Variants in MRPL18 observed in about 807,000 individuals in gnomAD.
MRPL18 encodes mitochondrial ribosomal protein L18.
A neutral mutation model predicts 20.9 loss-of-function variants in MRPL18; 16 were observed. The observed-to-expected ratio is 0.76, with a 90% CI of 0.52 to 1.16. The LOEUF is 1.16. Among genes scored for constraint, MRPL18 ranks in the 50% most tolerant of loss-of-function variants. The pLI is 0.00. For synonymous variants in MRPL18, 91 were observed against 87.1 expected, an observed-to-expected ratio of 1.04 and a Z score of -0.25; for missense variants, 233 against 230.6, an observed-to-expected ratio of 1.01 and a Z score of -0.07.
At chr6:159,795,975 G>C (rs1041776296) in intron 2 of MRPL18, among the ~76,000 whole-genome samples, 1 of 152,014 alleles carries the variant, frequency 6.6e-6, no homozygotes, top group African/African-American at 2.4e-5. Context: ...TGTAGAGACA[G>C]AGTGTCACTG....
chr6:159,792,721 T>C (rs1405284482), intron 2 of MRPL18, among the ~76,000 whole-genome samples: 1 of 152,194 alleles, frequency 6.6e-6, no homozygotes, highest in Non-Finnish European at 1.5e-5. Context: ...ACTGCATCCT[T>C]GACTTCCCTG....
intron 3 of MRPL18, among the ~76,000 whole-genome samples, chr6:159,797,730 T>G (rs1272233854): frequency 1.3e-5 from 2 of 152,228 alleles, no homozygotes; most frequent in Non-Finnish European, 2.9e-5. Flanking sequence ...AAACTGAGGC[T>G]TACTTGCCCA....
upstream of MRPL18, chr6:159,789,816 G>A: frequency 2.7e-6 from 1 of 376,832 alleles, no homozygotes; most frequent in Non-Finnish European, 5.1e-6. Flanking sequence ...TGGACCGCTG[G>A]GAAGAGGTTG....
At chr6:159,796,626 A>G (rs1361056011) in intron 2 of MRPL18, among the ~76,000 whole-genome samples, 2 of 152,048 alleles carry the variant, frequency 1.3e-5, no homozygotes, top group Middle Eastern at 3.2e-3. Flanking sequence ...TGTCTCTACA[A>G]AATAAAAATT....
At chr6:159,797,933 G>C in intron 3 of MRPL18, 119 bp from the exon 4 acceptor site, 2 of 800,306 alleles carry the variant, frequency 2.5e-6, no homozygotes, top group South Asian at 3.6e-5. Context: ...ACCGTTGTAG[G>C]CTGGGAAGTT....
At chr6:159,791,852 C>T (rs1038131294) in intron 2 of MRPL18, among the ~76,000 whole-genome samples, 2 of 151,912 alleles carry the variant, frequency 1.3e-5, no homozygotes, top group Admixed American at 1.3e-4. Flanking sequence ...TTGCAGTGAG[C>T]TGAGCGCCTG....
chr6:159,797,619 C>T lies in MRPL18; in HGVS notation c.471+101C>T, dbSNP rs796166696. On this transcript the variant is annotated intron_variant, in intron 3 of 3. Transcript: ENST00000367034. The stretch of plus-strand genomic sequence containing the variant: ...CAGTTTTTACTTACCAAATACTTTC[C>T]ATGTGTCAGACCCTTTGGTGAGTAC... 1.3e-5 allele frequency: 14 copies of T among 1,090,274 alleles called. No individual in the cohort carries two copies. The African/African-American group carries it at 2.2e-4, about 17-fold the overall frequency. The allele number at this position is 1,090,274 out of a possible 1,614,324, so 67.5% of individuals were successfully genotyped here. A position where few individuals can be genotyped will look rare whatever the true frequency, so the allele number is the denominator to read the frequency against.
At chr6:159,790,801 C>G (rs527624130) in intron 1 of MRPL18, 139 bp from the exon 2 acceptor site, 3 of 1,371,504 alleles carry the variant, frequency 2.2e-6, no homozygotes, top group African/African-American at 1.4e-5. Context: ...AGTGCTGACT[C>G]CACCCTGTGG....
chr6:159,797,551 T>C, intron 3 of MRPL18, 33 bp downstream of exon 3: 1 of 1,586,706 alleles, frequency 6.3e-7, no homozygotes, highest in South Asian at 1.1e-5. Context: ...ATTGAAAAGG[T>C]ATTGTGTTAA....
At chr6:159,790,150 C>G (rs1043931490), upstream of MRPL18, 5 of 217,250 alleles carry the variant, frequency 2.3e-5, no homozygotes, top group Non-Finnish European at 3.8e-5. Context: ...AGACAACCAC[C>G]CTTTTTAAGG....
In MRPL18 at chr6:159,797,449, G is replaced by A. The variant is rs762860790; in HGVS notation, c.402G>A (p.Gln134=). 10 of 1,614,230 alleles carry A rather than the reference G, an allele frequency of 6.2e-6. No individual in the cohort carries two copies. The East Asian group carries it at 1.1e-4, about 18-fold the overall frequency. The change falls in exon 3 of 4, where the codon CAG becomes CAA. Residue 134 remains glutamine, a synonymous_variant. Transcript: ENST00000367034. ...ACESIGRVLA[Q]RCLEAGINFM... ...AGAGTATAGGACGAGTGCTGGCACA[G>A]AGATGCTTAGAGGCGGGAATCAACT...
chr6:159,790,508 C>G lies in MRPL18; in HGVS notation c.-80C>G. ...ACAGCAGCCAAAGGCTTGTCCCTGACTTTATATGGCTGCTCCTGGCGAGCG... is the reference window on the plus strand; with the variant it reads ...ACAGCAGCCAAAGGCTTGTCCCTGAGTTTATATGGCTGCTCCTGGCGAGCG... On this transcript the variant is annotated 5_prime_UTR_variant, in exon 1 of 4. Coordinates refer to ENST00000367034, the MANE Select transcript of MRPL18 (RefSeq NM_014161.5). The G allele has an allele frequency of 1.9e-6, 3 of 1,598,354 alleles. No homozygotes were observed. Among genetic ancestry groups the G allele is most frequent in the East Asian group, 2.2e-5 (1 of 44,816 alleles).
In MRPL18 at chr6:159,796,479, C is replaced by CAA. The variant is rs1017181744; in HGVS notation, c.240-794_240-793dup. Among the ~76,000 whole-genome samples, 25 of 120,194 alleles carry CAA rather than the reference C, an allele frequency of 2.1e-4. 1 individual carries two copies. Among genetic ancestry groups the CAA allele is most frequent in the East Asian group, 7.2e-4 (3 of 4,140 alleles). The allele number at this position is 120,194 out of a possible 152,430, so 78.9% of individuals were successfully genotyped here. ...TGAGAGACAGAGGCAGACCCTGTCT[C>CAA]AAAAAAAAAAAAAAATGGCCATATG... On this transcript the variant is annotated intron_variant, in intron 2 of 3. Coordinates refer to ENST00000367034, the MANE Select transcript of MRPL18 (RefSeq NM_014161.5).
Position 159,795,380 on chromosome 6 carries a change from T to C in MRPL18, c.240-1907T>C, listed in dbSNP as rs551782542. Among the ~76,000 whole-genome samples the C allele has an allele frequency of 9.8e-5, 15 of 152,368 alleles. No individual in the cohort carries two copies. The South Asian group carries it at 2.9e-3, about 29-fold the overall frequency. On this transcript the variant is annotated intron_variant, in intron 2 of 3. Coordinates refer to ENST00000367034, the MANE Select transcript of MRPL18 (RefSeq NM_014161.5). Reference sequence around the variant, plus strand: ...AACCTTGGACAATACCTGGCTTTCCTAGGCAGAGGTCCCTGCGGCCTTCCG... The same window carrying C: ...AACCTTGGACAATACCTGGCTTTCCCAGGCAGAGGTCCCTGCGGCCTTCCG...
At chr6:159,794,615 A>G (rs1780986106) in intron 2 of MRPL18, among the ~76,000 whole-genome samples, 1 of 152,182 alleles carries the variant, frequency 6.6e-6, no homozygotes, top group Non-Finnish European at 1.5e-5. Context: ...ACAGTGTTGC[A>G]TCGAATTGTC....
rs1173257345 is a variant in MRPL18, at chr6:159,798,069, T to G, written c.489T>G (p.Ser163Arg). Reference protein sequence around the residue: ...AASDSMKRLQSAMTEGGVVLR... With the variant: ...AASDSMKRLQRAMTEGGVVLR... ...AAAACCAGATGAAACGACTACAAAG[T>G]GCCATGACAGAAGGTGGTGTGGTTC... is the stretch of plus-strand genomic sequence containing the variant. The change falls in exon 4 of 4, where the codon AGT becomes AGG. Residue 163 changes from serine (S) to arginine (R), a missense_variant. By Grantham distance (110) the Ser-to-Arg change is moderately radical (BLOSUM62 -1). Transcript: ENST00000367034. 1.2e-6 allele frequency: 2 copies of G among 1,613,830 alleles called. No homozygotes were observed. Among genetic ancestry groups the G allele is most frequent in the Admixed American group, 3.3e-5 (2 of 59,982 alleles).
At chr6:159,796,138 T>C (rs2115011171) in intron 2 of MRPL18, among the ~76,000 whole-genome samples, 1 of 151,164 alleles carries the variant, frequency 6.6e-6, no homozygotes, top group South Asian at 2.1e-4. Context: ...CTTTTTTTTT[T>C]TTTTTTTTTT....
At position 159,790,637 on chromosome 6, in the gene MRPL18, C is replaced by T. The variant is rs893720090; in HGVS notation, c.50C>T (p.Pro17Leu). 1 of 1,614,058 alleles carries T rather than the reference C, an allele frequency of 6.2e-7. No homozygotes were observed. Among genetic ancestry groups the T allele is most frequent in the Non-Finnish European group, 8.5e-7 (1 of 1,179,996 alleles). ...FWGLFSVCRN[P>L]GCRFAALSTS... ...GGGTTGTTCTCGGTTTGCAGGAACC[C>T]TGGTAATTAGTCTTGCCCCCCTTCT... The change falls in exon 1 of 4, where the codon CCT becomes CTT. Residue 17 changes from proline (P) to leucine (L), a missense_variant and splice_region_variant. Coordinates refer to ENST00000367034, the MANE Select transcript of MRPL18 (RefSeq NM_014161.5).
At position 159,797,374 on chromosome 6, in the gene MRPL18, G is replaced by A; in HGVS notation, c.327G>A (p.Glu109=). ...GKVVVSASTR[E]WAIKKHLYST... Reference sequence around the variant, plus strand: ...TTGTGGTTTCGGCCTCCACTCGTGAGTGGGCTATTAAAAAGCACCTTTATA... The same window carrying A: ...TTGTGGTTTCGGCCTCCACTCGTGAATGGGCTATTAAAAAGCACCTTTATA... The change falls in exon 3 of 4, where the codon GAG becomes GAA. Residue 109 remains glutamate (E), a synonymous_variant. Transcript: ENST00000367034. The A allele has an allele frequency of 6.2e-7, 1 of 1,614,202 alleles. No individual in the cohort carries two copies. The highest frequency in any genetic ancestry group is 1.1e-5 in the South Asian group (1 of 91,088).
Sources: allele counts gnomAD v4.1 joint callset (sites outside exome capture counted in the v4.1 genomes callset), GRCh38; gene constraint gnomAD v4.1.1; transcripts MANE v1.5; gene names NCBI Gene and HGNC (gene_info 2026-07-23, HGNC 2026-07-21).